Variants in ENTREP2 observed in about 807,000 individuals in gnomAD.
ENTREP2 encodes the protein endosomal transmembrane epsin interactor 2.
chr15:29,514,899 C>A, the ENTREP2 span, among the ~76,000 whole-genome samples: 1 of 152,192 alleles, frequency 6.6e-6, no homozygotes, highest in Non-Finnish European at 1.5e-5. Context: ...CCCCAAAAGA[C>A]AGCCCCTCAT....
the ENTREP2 span, among the ~76,000 whole-genome samples, chr15:29,271,587 A>G: frequency 6.6e-6 from 1 of 152,242 alleles, no homozygotes; most frequent in African/African-American, 2.4e-5. Flanking sequence ...CAGACATTGT[A>G]TAGAAGAACA....
the ENTREP2 span, among the ~76,000 whole-genome samples, chr15:29,277,625 C>T: frequency 1.1e-4 from 17 of 152,262 alleles, no homozygotes; most frequent in African/African-American, 3.6e-4. Context: ...AATGCTCACT[C>T]GCCTGCCACT....
At chr15:29,647,473 T>C in the ENTREP2 span, among the ~76,000 whole-genome samples, 4 of 152,178 alleles carry the variant, frequency 2.6e-5, no homozygotes, top group Admixed American at 1.3e-4. Flanking sequence ...CTAATGCTAT[T>C]CTATCTCCAG....
At chr15:29,322,706 G>A in the ENTREP2 span, among the ~76,000 whole-genome samples, 1 of 152,098 alleles carries the variant, frequency 6.6e-6, no homozygotes, top group Non-Finnish European at 1.5e-5. Flanking sequence ...ATATATAATC[G>A]ATTATTTCTA....
At chr15:29,636,940 T>C in the ENTREP2 span, among the ~76,000 whole-genome samples, 17 of 152,234 alleles carry the variant, frequency 1.1e-4, no homozygotes, top group Non-Finnish European at 1.0e-4. Context: ...GTCATTATTT[T>C]ATGATCAACT....
chr15:29,227,046 TC>T, the ENTREP2 span, among the ~76,000 whole-genome samples: 33 of 152,208 alleles, frequency 2.2e-4, no homozygotes, highest in African/African-American at 8.0e-4. Context: ...GGCAGACATT[TC>T]CCGAGTTACT....
the ENTREP2 span, among the ~76,000 whole-genome samples, chr15:29,123,923 C>T: frequency 6.6e-6 from 1 of 152,200 alleles, no homozygotes; most frequent in South Asian, 2.1e-4. Context: ...CTTCTGCCCT[C>T]TGCTAGAATC....
chr15:29,403,345 T>G, the ENTREP2 span, among the ~76,000 whole-genome samples: 2 of 152,154 alleles, frequency 1.3e-5, no homozygotes, highest in African/African-American at 2.4e-5. Flanking sequence ...AGTGGGAAGG[T>G]AGATTGCCCT....
the ENTREP2 span, among the ~76,000 whole-genome samples, chr15:29,182,280 G>A: frequency 1.8e-3 from 279 of 151,720 alleles, no homozygotes; most frequent in Non-Finnish European, 2.7e-3. Flanking sequence ...GCCCGCCACC[G>A]CACCCGGCTA....
At chr15:29,428,651 C>A in the ENTREP2 span, among the ~76,000 whole-genome samples, 1 of 152,070 alleles carries the variant, frequency 6.6e-6, no homozygotes, top group South Asian at 2.1e-4. Flanking sequence ...AGTACATGCC[C>A]AAATTCCAAA....
the ENTREP2 span, chr15:29,381,927 G>A: frequency 2.7e-5 from 30 of 1,115,492 alleles, no homozygotes; most frequent in Admixed American, 8.0e-5. Context: ...AGAAGGACGT[G>A]TGGAACACAG....
At chr15:29,566,869 A>G in the ENTREP2 span, among the ~76,000 whole-genome samples, 1 of 151,948 alleles carries the variant, frequency 6.6e-6, no homozygotes, top group Non-Finnish European at 1.5e-5. Flanking sequence ...ACACACACAC[A>G]CACACACAGA....
At chr15:29,498,606 G>C in the ENTREP2 span, among the ~76,000 whole-genome samples, 3 of 152,104 alleles carry the variant, frequency 2.0e-5, no homozygotes, top group African/African-American at 7.2e-5. Context: ...GTATACTTTA[G>C]AAGAATCTGT....
At chr15:29,626,193 C>G in the ENTREP2 span, among the ~76,000 whole-genome samples, 1 of 152,028 alleles carries the variant, frequency 6.6e-6, no homozygotes, top group Non-Finnish European at 1.5e-5. Context: ...TCAAACTTTG[C>G]TATACTCACT....
chr15:29,162,441 C>T, the ENTREP2 span, among the ~76,000 whole-genome samples: 5 of 151,996 alleles, frequency 3.3e-5, no homozygotes, highest in Admixed American at 1.3e-4. Flanking sequence ...ACCCACTGCC[C>T]GAAAACAGAC....
the ENTREP2 span, among the ~76,000 whole-genome samples, chr15:29,203,134 G>A: frequency 6.6e-6 from 1 of 152,230 alleles, no homozygotes; most frequent in African/African-American, 2.4e-5. Context: ...CGGGCACGGT[G>A]GCTCACGCCT....
the ENTREP2 span, among the ~76,000 whole-genome samples, chr15:29,159,071 G>T: frequency 6.6e-6 from 1 of 152,186 alleles, no homozygotes; most frequent in Non-Finnish European, 1.5e-5. Context: ...GAATTGGTGG[G>T]TTATTGGTCT....
At chr15:29,213,888 A>G in the ENTREP2 span, among the ~76,000 whole-genome samples, 1 of 152,270 alleles carries the variant, frequency 6.6e-6, no homozygotes, top group East Asian at 1.9e-4. Flanking sequence ...GGATATGAAC[A>G]GACACTTCTC....
At chr15:29,283,503 C>A in the ENTREP2 span, among the ~76,000 whole-genome samples, 3 of 152,142 alleles carry the variant, frequency 2.0e-5, no homozygotes, top group Admixed American at 6.5e-5. Context: ...CATAAGCCAT[C>A]ATGCCTGGCC....
Sources: gnomAD v4.1 joint callset for allele counts (sites outside exome capture counted in the v4.1 genomes callset) on GRCh38, gnomAD v4.1.1 for gene constraint, MANE v1.5 for transcripts, NCBI Gene and HGNC (gene_info 2026-07-23, HGNC 2026-07-21) for gene names.